Variants in SPECC1L observed in about 807,000 individuals in gnomAD.
The protein encoded by SPECC1L is sperm antigen with calponin homology and coiled-coil domains 1 like.
Under a neutral mutation model 116.8 loss-of-function variants are expected in SPECC1L, and 40 were observed. That is an observed-to-expected ratio of 0.34 (90% CI 0.27 to 0.45). The LOEUF is 0.45. SPECC1L is among the 20% of genes least tolerant of loss of function. The probability of loss-of-function intolerance (pLI) is 1.00; values close to 1 mark genes in which losing one functional copy is unlikely to be tolerated. For missense variants in SPECC1L, 1,110 were observed against 1,373.6 expected (o/e 0.81, Z 3.03); for synonymous variants, 504 against 500.6 (o/e 1.01, Z -0.09).
intron 10 of SPECC1L, among the ~76,000 whole-genome samples, chr22:24,338,997 CACTT>C (rs1312883481): frequency 1.3e-5 from 2 of 152,222 alleles, no homozygotes; most frequent in African/African-American, 4.8e-5. Context: ...CATAGCAAAT[CACTT>C]CAGAACTTAG....
intron 14 of SPECC1L, among the ~76,000 whole-genome samples, chr22:24,396,712 A>G (rs755990285): frequency 3.4e-4 from 52 of 152,266 alleles, no homozygotes; most frequent in Middle Eastern, 3.4e-3. Context: ...GATTAAAAAC[A>G]CTCATTTACT....
At chr22:24,312,519 T>C (rs1354658422) in intron 3 of SPECC1L, among the ~76,000 whole-genome samples, 3 of 152,380 alleles carry the variant, frequency 2.0e-5, no homozygotes, top group African/African-American at 7.2e-5. Context: ...TGGGTTCTTT[T>C]GTTAAAAAGT....
intron 2 of SPECC1L, among the ~76,000 whole-genome samples, chr22:24,293,600 G>C (rs559907161): frequency 1.1e-4 from 16 of 152,146 alleles, no homozygotes; most frequent in Admixed American, 2.0e-4. Flanking sequence ...CTTAGATTAA[G>C]GTAGGAGCAG....
intron 5 of SPECC1L, among the ~76,000 whole-genome samples, chr22:24,323,880 G>A (rs909338943): frequency 3.3e-5 from 5 of 152,118 alleles, no homozygotes; most frequent in African/African-American, 1.2e-4. Context: ...CATCATTTTT[G>A]TTAGGACAAC....
chr22:24,359,679 T>C (rs2146609929), intron 11 of SPECC1L, among the ~76,000 whole-genome samples: 1 of 152,228 alleles, frequency 6.6e-6, no homozygotes, highest in East Asian at 1.9e-4. Context: ...AAGGCTTACC[T>C]CACTCTGCTC....
intron 2 of SPECC1L, among the ~76,000 whole-genome samples, chr22:24,286,425 A>G: frequency 6.6e-6 from 1 of 152,212 alleles, no homozygotes; most frequent in East Asian, 1.9e-4. Flanking sequence ...TGAACTTGCA[A>G]TACATTGCTC....
In SPECC1L at chr22:24,302,351, T is replaced by C. The variant is rs2049398327; in HGVS notation, c.120T>C (p.Leu40=). ...CTTCAGCATCTACGGGAGGCAAACT[T>C]GTAAAACCTGGAACAGCAGCATCAT... The part of the protein sequence containing the change: ...NSSSASTGGK[L]VKPGTAASLS... Residue 40 remains leucine, a synonymous_variant, in exon 3 of 17, where the codon CTT becomes CTC. Coordinates refer to ENST00000314328, the MANE Select transcript of SPECC1L (RefSeq NM_015330.6). 6.2e-7 allele frequency: 1 copy of C among 1,614,176 alleles called. No homozygotes were observed. Among genetic ancestry groups the C allele is most frequent in the Non-Finnish European group, 8.5e-7 (1 of 1,180,036 alleles).
chr22:24,364,899 G>C (rs1371225719), intron 12 of SPECC1L, among the ~76,000 whole-genome samples: 1 of 152,096 alleles, frequency 6.6e-6, no homozygotes, highest in African/African-American at 2.4e-5. Context: ...CTATGTGCTT[G>C]GTAGGTACTG....
At chr22:24,343,580 C>T (rs1481744450) in intron 10 of SPECC1L, 3 of 388,268 alleles carry the variant, frequency 7.7e-6, no homozygotes, top group East Asian at 9.6e-5. Context: ...CCTGCCTCAG[C>T]CCCCTGAGTA....
intron 14 of SPECC1L, among the ~76,000 whole-genome samples, chr22:24,380,409 C>T (rs2042043373): frequency 6.6e-6 from 1 of 152,186 alleles, no homozygotes; most frequent in African/African-American, 2.4e-5. Context: ...TTACGTGACA[C>T]TTAGCACATA....
intron 11 of SPECC1L, among the ~76,000 whole-genome samples, chr22:24,361,409 A>AT (rs1006291716): frequency 4.6e-5 from 7 of 151,980 alleles, no homozygotes; most frequent in South Asian, 2.1e-4. Flanking sequence ...AAATAAATAA[A>AT]AAATAAAAAG....
chr22:24,303,665 A>G (rs1336084137), intron 3 of SPECC1L, among the ~76,000 whole-genome samples: 7 of 152,108 alleles, frequency 4.6e-5, no homozygotes, highest in Non-Finnish European at 8.8e-5. Context: ...GAGGTTTACT[A>G]TGGAATGTGC....
At chr22:24,318,269 G>A (rs552081790) in intron 4 of SPECC1L, among the ~76,000 whole-genome samples, 1 of 152,226 alleles carries the variant, frequency 6.6e-6, no homozygotes, top group Non-Finnish European at 1.5e-5. Context: ...CTGCAATCCC[G>A]GCACCTCGGG....
chr22:24,305,069 A>C (rs2049464447), intron 3 of SPECC1L, among the ~76,000 whole-genome samples: 1 of 152,218 alleles, frequency 6.6e-6, no homozygotes, highest in Non-Finnish European at 1.5e-5. Flanking sequence ...TTTTGTAGCA[A>C]AAATTAAAAG....
chr22:24,339,736 TTG>T (rs1491033120), intron 10 of SPECC1L, among the ~76,000 whole-genome samples: 1 of 152,230 alleles, frequency 6.6e-6, no homozygotes, highest in Non-Finnish European at 1.5e-5. Context: ...CGCATTTATA[TTG>T]TGAGTTCGTG....
At chr22:24,308,562 T>C (rs2049548295) in intron 3 of SPECC1L, among the ~76,000 whole-genome samples, 1 of 152,246 alleles carries the variant, frequency 6.6e-6, no homozygotes, top group South Asian at 2.1e-4. Flanking sequence ...TTCCTTTGGC[T>C]AGGTTTCTCC....
intron 14 of SPECC1L, among the ~76,000 whole-genome samples, chr22:24,369,773 A>G (rs1483276269): frequency 1.3e-5 from 2 of 152,214 alleles, no homozygotes; most frequent in African/African-American, 4.8e-5. Context: ...AATATTTCCA[A>G]TATTACTCAT....
chr22:24,403,238 T>A (rs1038258884), intron 14 of SPECC1L, among the ~76,000 whole-genome samples: 1 of 152,192 alleles, frequency 6.6e-6, no homozygotes, highest in Non-Finnish European at 1.5e-5. Context: ...CTGGCACATG[T>A]CATCTCTCTT....
At chr22:24,317,219 G>A (rs1365467192) in intron 4 of SPECC1L, among the ~76,000 whole-genome samples, 1 of 106,342 alleles carries the variant, frequency 9.4e-6, no homozygotes, top group Non-Finnish European at 2.0e-5. Context: ...CCGGGCAGAG[G>A]CGCCCCTCAC....
Sources: allele counts gnomAD v4.1 joint callset (sites outside exome capture counted in the v4.1 genomes callset), GRCh38; gene constraint gnomAD v4.1.1; transcripts MANE v1.5; gene names NCBI Gene and HGNC (gene_info 2026-07-23, HGNC 2026-07-21).